GM2A: variants seen among roughly 807,000 people sequenced by gnomAD.
GM2A encodes the protein ganglioside GM2 activator.
A neutral mutation model predicts 12.9 loss-of-function variants in GM2A; 7 were observed. The observed-to-expected ratio is 0.54, with a 90% CI of 0.31 to 1.02. The LOEUF (loss-of-function observed/expected upper bound fraction) is 1.02. Ranked by LOEUF, GM2A falls within the 50% of genes least tolerant of loss-of-function variation. The pLI, the probability that GM2A is intolerant of heterozygous loss-of-function variation, is 0.05. For missense variants in GM2A, 246 were observed against 241.0 expected (o/e 1.02, Z -0.14); for synonymous variants, 101 against 96.0 (o/e 1.05, Z -0.30).
Position 151,260,073 on chromosome 5 carries a change from A to G in GM2A, c.243+157A>G, listed in dbSNP as rs2277030. ...GATTCAGACACTCTTTCACAGGTTC[A>G]TGGAATCTCAGGATCATAAGATTGA... On this transcript the variant is annotated intron_variant, in intron 2 of 3. Coordinates refer to ENST00000357164, the MANE Select transcript of GM2A (RefSeq NM_000405.5). Among the ~76,000 whole-genome samples, 913 of 152,338 alleles carry G rather than the reference A, an allele frequency of 6.0e-3. 37 individuals are homozygous for G. In the East Asian group the frequency reaches 0.092, roughly 15 times the overall value.
chr5:151,261,717 A>G (rs1291813368), intron 2 of GM2A, among the ~76,000 whole-genome samples: 3 of 144,086 alleles, frequency 2.1e-5, no homozygotes, highest in African/African-American at 5.2e-5. Context: ...GGGATTACAG[A>G]CACCTGCCAC....
rs59997121 is a variant in GM2A at position 151,266,447 on chromosome 5, C to CAAAAAAAAAAAA, written c.244-280_244-269dup. On this transcript the variant is annotated intron_variant, in intron 2 of 3. Coordinates refer to ENST00000357164, the MANE Select transcript of GM2A (RefSeq NM_000405.5). ...GCAGTGAGTGCAGTGAGCCATGATA[C>CAAAAAAAAAAAA]AAAAAAAAAAAAAAAGAATTCTAAG... Among the ~76,000 whole-genome samples, 60 of 106,138 alleles carry CAAAAAAAAAAAA rather than the reference C, an allele frequency of 5.7e-4. 1 individual carries two copies. Among genetic ancestry groups the CAAAAAAAAAAAA allele is most frequent in the Middle Eastern group, 0.011 (2 of 190 alleles). 69.6% of individuals were successfully genotyped at this position (106,138 alleles called of 152,430 possible).
rs774471512 is a variant in GM2A at position 151,267,361 on chromosome 5, C to T, written c.492C>T (p.Thr164=). The T allele has an allele frequency of 1.2e-6, 2 of 1,614,068 alleles. No homozygotes were observed. The highest frequency in any genetic ancestry group is 1.3e-5 in the African/African-American group (1 of 74,928). The change falls in exon 4 of 4, where the codon ACC becomes ACT. Residue 164 remains threonine, a synonymous_variant. Coordinates refer to ENST00000357164, the MANE Select transcript of GM2A (RefSeq NM_000405.5). ...ACCTGGAGCTGCCCAGTTGGCTCACCACCGGGAACTACCGCATAGAGAGCG... is the reference window on the plus strand; with the variant it reads ...ACCTGGAGCTGCCCAGTTGGCTCACTACCGGGAACTACCGCATAGAGAGCG... ...VPDLELPSWL[T]TGNYRIESVL... is the part of the protein sequence containing the mutation.
intron 2 of GM2A, among the ~76,000 whole-genome samples, chr5:151,261,181 T>C (rs1011353336): frequency 8.5e-5 from 13 of 152,116 alleles, no homozygotes; most frequent in Non-Finnish European, 1.6e-4. Flanking sequence ...CATGTCACCA[T>C]GCTTACCTAA....
chr5:151,257,740 C>G (rs1397329855), intron 1 of GM2A, among the ~76,000 whole-genome samples: 1 of 152,226 alleles, frequency 6.6e-6, no homozygotes, highest in South Asian at 2.1e-4. Context: ...GGCCTTCTCC[C>G]AGTGCCTGGA....
rs754133078 is a variant in GM2A, at chr5:151,267,478, G to A, written c.*27G>A. On this transcript the variant is annotated 3_prime_UTR_variant, in exon 4 of 4. Transcript: ENST00000357164. The stretch of plus-strand genomic sequence containing the variant: ...ATGGCATCTGCCACAGCAGAATGGA[G>A]CGGTGTGAGGAAGGTCCCTTTTCCT... 4 of 1,614,092 alleles carry A rather than the reference G, an allele frequency of 2.5e-6. No homozygotes were observed. The highest frequency in any genetic ancestry group is 1.1e-5 in the South Asian group (1 of 91,068).
Position 151,269,321 on chromosome 5 carries a change from T to C in GM2A, c.*1870T>C, listed in dbSNP as rs1191644098. 1 of 985,386 alleles carries C rather than the reference T, an allele frequency of 1.0e-6. No individual in the cohort carries two copies. The highest frequency in any genetic ancestry group is 1.7e-5 in the African/African-American group (1 of 57,232). The allele number at this position is 985,386 out of a possible 1,614,324, so 61.0% of individuals were successfully genotyped here. A position where few individuals can be genotyped will look rare whatever the true frequency, so the allele number is the denominator to read the frequency against. The stretch of plus-strand genomic sequence containing the variant: ...AAGCATTTTTGGGGTGGGGCTCTTT[T>C]GGTTGGAAGGGTTTGTTGGAACGGT... On this transcript the variant is annotated 3_prime_UTR_variant, in exon 4 of 4. Transcript: ENST00000357164.
In GM2A at chr5:151,270,233, A is replaced by G. The variant is rs1463219059; in HGVS notation, c.*2782A>G. 2 of 522,096 alleles carry G rather than the reference A, an allele frequency of 3.8e-6. No homozygotes were observed. The highest frequency in any genetic ancestry group is 2.0e-5 in the African/African-American group (1 of 50,852). 32.3% of individuals were successfully genotyped at this position (522,096 alleles called of 1,614,324 possible). On this transcript the variant is annotated 3_prime_UTR_variant, in exon 4 of 4. Coordinates refer to ENST00000357164, the MANE Select transcript of GM2A (RefSeq NM_000405.5). Reference sequence around the variant, plus strand: ...TGAAGTTAGACCTGTACTTCACACCATATGCAAGAATGAACTCCATCTGGA... The same window carrying G: ...TGAAGTTAGACCTGTACTTCACACCGTATGCAAGAATGAACTCCATCTGGA...
At chr5:151,256,911 C>G (rs1007932789) in intron 1 of GM2A, among the ~76,000 whole-genome samples, 10 of 152,182 alleles carry the variant, frequency 6.6e-5, no homozygotes, top group African/African-American at 2.4e-4. Context: ...CTTGTTTATT[C>G]ATGAGCTTGG....
At position 151,268,065 on chromosome 5, in the gene GM2A, A is replaced by C. The variant is rs1219721966; in HGVS notation, c.*614A>C. The C allele has an allele frequency of 1.0e-6, 1 of 999,170 alleles. No individual in the cohort carries two copies. Among genetic ancestry groups the C allele is most frequent in the Non-Finnish European group, 1.2e-6 (1 of 837,684 alleles). 61.9% of individuals were successfully genotyped at this position (999,170 alleles called of 1,614,324 possible). ...AGATATTAGGAGTGCTCTGTTGTTTACAAACTCAGGTACCCGCAGGGCCTA... is the reference window on the plus strand; with the variant it reads ...AGATATTAGGAGTGCTCTGTTGTTTCCAAACTCAGGTACCCGCAGGGCCTA... On this transcript the variant is annotated 3_prime_UTR_variant, in exon 4 of 4. Coordinates refer to ENST00000357164, the MANE Select transcript of GM2A (RefSeq NM_000405.5).
At chr5:151,258,647 A>G (rs984952719) in intron 1 of GM2A, among the ~76,000 whole-genome samples, 3 of 152,140 alleles carry the variant, frequency 2.0e-5, no homozygotes, top group African/African-American at 7.2e-5. Context: ...GCCTCAACCC[A>G]AAACTTAGGA....
At chr5:151,264,982 A>C (rs1039482486) in intron 2 of GM2A, among the ~76,000 whole-genome samples, 1 of 142,152 alleles carries the variant, frequency 7.0e-6, no homozygotes, top group Non-Finnish European at 1.6e-5. Context: ...ACTCTGTCTC[A>C]AAAAAAAAAA....
chr5:151,258,321 G>A (rs779661529), intron 1 of GM2A, among the ~76,000 whole-genome samples: 110 of 152,178 alleles, frequency 7.2e-4, no homozygotes, highest in Middle Eastern at 3.2e-3. Flanking sequence ...ACACGCTCTC[G>A]CCCTTGCAAC....
chr5:151,266,063 G>A (rs567088724), intron 2 of GM2A, among the ~76,000 whole-genome samples: 3 of 152,200 alleles, frequency 2.0e-5, no homozygotes, highest in Admixed American at 1.3e-4. Context: ...TTGGGGCCAC[G>A]ACTGGGCTCA....
Position 151,269,240 on chromosome 5 carries a change from G to A in GM2A, c.*1789G>A, listed in dbSNP as rs988380276. On this transcript the variant is annotated 3_prime_UTR_variant, in exon 4 of 4. Coordinates refer to ENST00000357164, the MANE Select transcript of GM2A (RefSeq NM_000405.5). ...TAGCAATAAATCTTTTTAACTTGCGGACAGTTTCCCCTTGCCTTGGCTGCA... is the reference window on the plus strand; with the variant it reads ...TAGCAATAAATCTTTTTAACTTGCGAACAGTTTCCCCTTGCCTTGGCTGCA... The A allele has an allele frequency of 7.1e-6, 7 of 985,332 alleles. No individual in the cohort carries two copies. The highest frequency in any genetic ancestry group is 5.2e-4 in the Middle Eastern group (1 of 1,936). The allele number at this position is 985,332 out of a possible 1,614,324, so 61.0% of individuals were successfully genotyped here. A position where few individuals can be genotyped will look rare whatever the true frequency, so the allele number is the denominator to read the frequency against.
At chr5:151,264,174 C>A (rs775767429) in intron 2 of GM2A, among the ~76,000 whole-genome samples, 2 of 152,224 alleles carry the variant, frequency 1.3e-5, no homozygotes, top group Non-Finnish European at 2.9e-5. Context: ...TCCCCCAGCA[C>A]CCAAAGTCAT....
intron 2 of GM2A, among the ~76,000 whole-genome samples, chr5:151,264,981 CAA>C (rs796633790): frequency 3.3e-5 from 4 of 122,156 alleles, no homozygotes; most frequent in Non-Finnish European, 3.5e-5. Flanking sequence ...GACTCTGTCT[CAA>C]AAAAAAAAAA....
At chr5:151,257,884 G>T (rs1158584499) in intron 1 of GM2A, among the ~76,000 whole-genome samples, 4 of 152,316 alleles carry the variant, frequency 2.6e-5, no homozygotes, top group Middle Eastern at 3.4e-3. Context: ...TGAGTCCTTT[G>T]TTGCTGTCAG....
At position 151,266,878 on chromosome 5, in the gene GM2A, A is replaced by T; in HGVS notation, c.391A>T (p.Thr131Ser). 1 of 1,613,952 alleles carries T rather than the reference A, an allele frequency of 6.2e-7. No homozygotes were observed. Among genetic ancestry groups the T allele is most frequent in the Non-Finnish European group, 8.5e-7 (1 of 1,179,854 alleles). The change falls in exon 3 of 4, where the codon ACC (threonine) becomes TCC (serine). Residue 131 changes from threonine (T) to serine (S), a missense_variant. Transcript: ENST00000357164. ...GGAGCCCTGCCCAGAGCCCCTGCGT[A>T]CCTATGGGCTTCCTTGCCACTGTCC... ...TGEPCPEPLRTYGLPCHCPFK... is the reference protein window; with the variant it reads ...TGEPCPEPLRSYGLPCHCPFK...
Sources: allele counts gnomAD v4.1 joint callset (sites outside exome capture counted in the v4.1 genomes callset), GRCh38; gene constraint gnomAD v4.1.1; transcripts MANE v1.5; gene names NCBI Gene and HGNC (gene_info 2026-07-23, HGNC 2026-07-21).